The following COL5A2 variants were observed in gnomAD, a reference collection of about 807,000 sequenced individuals.
The protein encoded by COL5A2 is collagen alpha-2(V) chain.
Under a neutral mutation model 208.2 loss-of-function variants are expected in COL5A2, and 23 were observed. That is an observed-to-expected ratio of 0.11 (90% CI 0.08 to 0.16). The LOEUF is 0.16. Ranked by LOEUF, COL5A2 falls within the 10% of genes least tolerant of loss-of-function variation. The pLI is 1.00. For synonymous variants in COL5A2, 625 were observed against 628.5 expected (o/e 0.99, Z 0.08); for missense variants, 1,590 against 1,956.4 (o/e 0.81, Z 3.53).
chr2:189,153,957 G>A (rs1274761372), intron 1 of COL5A2, among the ~76,000 whole-genome samples: 1 of 151,996 alleles, frequency 6.6e-6, no homozygotes, highest in Non-Finnish European at 1.5e-5. Context: ...TTGAATAACA[G>A]CTTTCCAATA....
chr2:189,040,333 G>C (rs7355773), intron 50 of COL5A2, among the ~76,000 whole-genome samples: 12,086 of 89,076 alleles, frequency 0.14, 595 homozygotes, highest in South Asian at 0.28. Flanking sequence ...GAGCCCTCCT[G>C]CCTTTTTTTT....
rs1686383605 is a variant in COL5A2, at chr2:189,075,446, G to A, written c.1060-9C>T. 2 of 1,601,714 alleles carry A rather than the reference G, an allele frequency of 1.2e-6. No individual in the cohort carries two copies. The highest frequency in any genetic ancestry group is 1.3e-5 in the African/African-American group (1 of 74,570). On this transcript the variant is annotated splice_polypyrimidine_tract_variant and intron_variant, in intron 16 of 53. Transcript: ENST00000374866. ...TGTGCACCTCGTTGTCCCTAATTAA[G>A]AGAAAAAGAGACAAGACAGGATAAG...
intron 10 of COL5A2, 128 bp downstream of exon 10, chr2:189,085,591 C>A: frequency 1.3e-6 from 1 of 764,014 alleles, no homozygotes; most frequent in Non-Finnish European, 2.3e-6. Context: ...TAGAACAGGA[C>A]TCCCAAACTG....
At chr2:189,208,379 G>C (rs1026019972) in intron 1 of COL5A2, among the ~76,000 whole-genome samples, 1 of 152,210 alleles carries the variant, frequency 6.6e-6, no homozygotes, top group Non-Finnish European at 1.5e-5. Context: ...CAGAGGAACA[G>C]GTCATTAATT....
At chr2:189,277,893 G>T in the COL5A2 span, among the ~76,000 whole-genome samples, 441 of 152,092 alleles carry the variant, frequency 2.9e-3, 2 homozygotes, top group African/African-American at 9.4e-3. Flanking sequence ...TTTCCCTTCA[G>T]GAAAAATTGA....
the COL5A2 span, among the ~76,000 whole-genome samples, chr2:189,429,486 T>C: frequency 6.6e-6 from 1 of 152,214 alleles, no homozygotes; most frequent in African/African-American, 2.4e-5. Flanking sequence ...ATTTTAAAAG[T>C]ATAACTTCAG....
the COL5A2 span, among the ~76,000 whole-genome samples, chr2:189,272,753 G>C: frequency 6.6e-6 from 1 of 152,020 alleles, no homozygotes; most frequent in African/African-American, 2.4e-5. Context: ...AAGTTTTTTA[G>C]ATTTTAGCTC....
intron 1 of COL5A2, among the ~76,000 whole-genome samples, chr2:189,163,354 T>C (rs1688406366): frequency 6.6e-6 from 1 of 152,224 alleles, no homozygotes; most frequent in Non-Finnish European, 1.5e-5. Flanking sequence ...TAGAGAACAC[T>C]GAGTCTGTGG....
chr2:189,271,762 T>A, the COL5A2 span, among the ~76,000 whole-genome samples: 1 of 152,138 alleles, frequency 6.6e-6, no homozygotes, highest in African/African-American at 2.4e-5. Flanking sequence ...TCTATCCATC[T>A]GACAAAGGGT....
At chr2:189,127,301 T>C (rs892106665) in intron 1 of COL5A2, among the ~76,000 whole-genome samples, 8 of 152,050 alleles carry the variant, frequency 5.3e-5, no homozygotes, top group Admixed American at 2.6e-4. Flanking sequence ...TCAGTCTTCT[T>C]TCTTTGGCTT....
chr2:189,342,868 C>G, the COL5A2 span, among the ~76,000 whole-genome samples: 1 of 152,102 alleles, frequency 6.6e-6, no homozygotes, highest in South Asian at 2.1e-4. Context: ...TGAAAATTGA[C>G]TCCCTGCTAA....
At chr2:189,308,208 C>G in the COL5A2 span, among the ~76,000 whole-genome samples, 6 of 137,866 alleles carry the variant, frequency 4.4e-5, no homozygotes, top group East Asian at 1.0e-3. Flanking sequence ...AGCCCTCCCC[C>G]CTCCCTCTCA....
rs372220538 is a variant in COL5A2 at position 189,050,570 on chromosome 2, G to A, written c.3038C>T (p.Ala1013Val). Residue 1013 changes from alanine to valine, a missense_variant and splice_region_variant, in exon 43 of 54, where the codon GCG (alanine) becomes GTG (valine). Physicochemically the swap from Ala to Val is moderately conservative, Grantham distance 64 (BLOSUM62 0). Transcript: ENST00000374866. ...ATATTGACCGATGCAGCTACTCACCGCTGGGCCTGGTAGGCCGGGCATGCC... is the reference window on the plus strand; with the variant it reads ...ATATTGACCGATGCAGCTACTCACCACTGGGCCTGGTAGGCCGGGCATGCC... ...ERGMPGLPGPAGTPGKVGPTG... is the reference protein window; with the variant it reads ...ERGMPGLPGPVGTPGKVGPTG... 5.5e-5 allele frequency: 85 copies of A among 1,549,480 alleles called. No individual in the cohort carries two copies. The highest frequency in any genetic ancestry group is 1.2e-4 in the African/African-American group (9 of 72,996).
Position 189,145,554 on chromosome 2 carries a change from C to T in COL5A2, c.97+33954G>A, listed in dbSNP as rs113196559. The stretch of plus-strand genomic sequence containing the variant: ...TTTATGAACACAAAAACCTGACCTG[C>T]AATTTTCTTGCTATATAATCAGTGT... On this transcript the variant is annotated intron_variant, in intron 1 of 53. Coordinates refer to ENST00000374866, the MANE Select transcript of COL5A2 (RefSeq NM_000393.5). Among the ~76,000 whole-genome samples the T allele has an allele frequency of 2.4e-4, 37 of 152,150 alleles. 1 individual carries two copies. Among genetic ancestry groups the T allele is most frequent in the African/African-American group, 8.7e-4 (36 of 41,538 alleles).
At chr2:189,355,577 T>C in the COL5A2 span, among the ~76,000 whole-genome samples, 5 of 152,162 alleles carry the variant, frequency 3.3e-5, no homozygotes, top group Non-Finnish European at 7.4e-5. Flanking sequence ...TTAAAGTCTG[T>C]TTTATCAGAG....
intron 1 of COL5A2, among the ~76,000 whole-genome samples, chr2:189,158,875 T>C (rs1688305467): frequency 6.6e-6 from 1 of 152,182 alleles, no homozygotes; most frequent in South Asian, 2.1e-4. Flanking sequence ...AGCCTAATTA[T>C]TTCAAGTGTT....
the COL5A2 span, among the ~76,000 whole-genome samples, chr2:189,403,730 T>C: frequency 6.6e-6 from 1 of 152,242 alleles, no homozygotes; most frequent in Non-Finnish European, 1.5e-5. Flanking sequence ...TATTGATTTA[T>C]GTATGTTGGA....
intron 4 of COL5A2, 142 bp downstream of exon 4, chr2:189,099,965 G>A: frequency 1.5e-6 from 1 of 667,278 alleles, no homozygotes. Context: ...ATCTGTTCTG[G>A]TTTGCTTGTG....
At chr2:189,357,568 A>G in the COL5A2 span, among the ~76,000 whole-genome samples, 1 of 151,806 alleles carries the variant, frequency 6.6e-6, no homozygotes, top group Non-Finnish European at 1.5e-5. Flanking sequence ...CCCTCCCCCT[A>G]CCAAGCTCAA....
Sources: allele counts gnomAD v4.1 joint callset (sites outside exome capture counted in the v4.1 genomes callset), GRCh38; gene constraint gnomAD v4.1.1; transcripts MANE v1.5; gene names NCBI Gene and HGNC (gene_info 2026-07-23, HGNC 2026-07-21).